The following TXNDC11 variants were observed in gnomAD, a reference collection of about 807,000 sequenced individuals.
TXNDC11 encodes thioredoxin domain-containing protein 11.
TXNDC11 carries 68 observed loss-of-function variants against 78.0 expected under a neutral mutation model. That is an observed-to-expected ratio of 0.87 (90% CI 0.72 to 1.07). The LOEUF is 1.07. Among genes scored for constraint, TXNDC11 ranks in the 50% least tolerant of loss-of-function variants. TXNDC11 has a pLI of 0.00. For synonymous variants in TXNDC11, 571 were observed against 495.2 expected, an observed-to-expected ratio of 1.15 and a Z score of -2.03; for missense variants, 1,389 against 1,221.8, an observed-to-expected ratio of 1.14 and a Z score of -2.04.
At chr16:11,722,670 C>G (rs1325831200) in intron 4 of TXNDC11, among the ~76,000 whole-genome samples, 1 of 152,124 alleles carries the variant, frequency 6.6e-6, no homozygotes, top group Non-Finnish European at 1.5e-5. Context: ...AAAGAGCAAG[C>G]CTGATGAACC....
intron 1 of TXNDC11, among the ~76,000 whole-genome samples, chr16:11,740,240 T>A (rs1255227071): frequency 6.6e-6 from 1 of 151,882 alleles, no homozygotes; most frequent in Non-Finnish European, 1.5e-5. Context: ...GGGGTAGAAA[T>A]GTTAGCCAGT....
chr16:11,722,048 C>A (rs150448989), intron 4 of TXNDC11, among the ~76,000 whole-genome samples: 100 of 152,310 alleles, frequency 6.6e-4, no homozygotes, highest in African/African-American at 2.3e-3. Flanking sequence ...TTTAACAACT[C>A]CAGACAAGCA....
chr16:11,687,811 G>GA (rs1567294624), intron 10 of TXNDC11, 46 bp downstream of exon 10: 1 of 1,308,964 alleles, frequency 7.6e-7, no homozygotes, highest in Admixed American at 1.8e-5. Flanking sequence ...AAATAAGAGT[G>GA]AAAATGGGCA....
chr16:11,741,558 T>G (rs897417087), intron 1 of TXNDC11, among the ~76,000 whole-genome samples: 2 of 152,192 alleles, frequency 1.3e-5, no homozygotes, highest in Non-Finnish European at 2.9e-5. Flanking sequence ...TCCCTTCTCC[T>G]TTTTGTATAA....
rs1188450970 is a variant in TXNDC11, at chr16:11,679,099, G to A, written c.*96C>T. 7.5e-7 allele frequency: 1 copy of A among 1,335,012 alleles called. No individual in the cohort carries two copies. The highest frequency in any genetic ancestry group is 1.0e-6 in the Non-Finnish European group (1 of 980,314). The allele number at this position is 1,335,012 out of a possible 1,614,324, so 82.7% of individuals were successfully genotyped here. On this transcript the variant is annotated 3_prime_UTR_variant, in exon 12 of 12. Transcript: ENST00000283033. The surrounding 1 kb of genome is among the most constrained non-coding windows in gnomAD (Gnocchi z 4.6). ...TCAAGCTGATTTTCTAGACCACTGA[G>A]AAAATCTTTATTTACAATAAATTTC...
chr16:11,717,316 T>C (rs2051555285), intron 5 of TXNDC11, among the ~76,000 whole-genome samples: 1 of 150,944 alleles, frequency 6.6e-6, no homozygotes, highest in Non-Finnish European at 1.5e-5. Context: ...TGGGCGCCTG[T>C]AGTCCTAGCT....
chr16:11,691,869 C>G lies in TXNDC11; in HGVS notation c.1321G>C (p.Val441Leu). ...QWHSFSRTHN[V>L]CELCVNQTSG... ...GTCTGGTTGACACAGAGTTCACAGA[C>G]GTTGTGGGTCCTGGAGAAGGAGTGC... Residue 441 changes from valine to leucine, a missense_variant, in exon 8 of 12, where the codon GTC (valine) becomes CTC (leucine). By Grantham distance (32) the Val-to-Leu change is conservative (BLOSUM62 1). Transcript: ENST00000283033. The G allele has an allele frequency of 6.2e-6, 10 of 1,614,224 alleles. No individual in the cohort carries two copies. Among genetic ancestry groups the G allele is most frequent in the Non-Finnish European group, 8.5e-6 (10 of 1,180,026 alleles).
At chr16:11,740,793 G>C (rs1019049627) in intron 1 of TXNDC11, among the ~76,000 whole-genome samples, 17 of 152,212 alleles carry the variant, frequency 1.1e-4, no homozygotes, top group African/African-American at 3.9e-4. Flanking sequence ...TCCTTCATCT[G>C]TGCACTGGGA....
At chr16:11,697,625 CAG>C (rs1309398316) in intron 7 of TXNDC11, among the ~76,000 whole-genome samples, 1 of 152,218 alleles carries the variant, frequency 6.6e-6, no homozygotes, top group East Asian at 1.9e-4. Context: ...TTCTGCACGA[CAG>C]GGAAGGTTCA....
intron 5 of TXNDC11, among the ~76,000 whole-genome samples, chr16:11,705,594 G>C (rs2051158396): frequency 6.6e-6 from 1 of 152,208 alleles, no homozygotes; most frequent in Non-Finnish European, 1.5e-5. Context: ...GTGACAGCCT[G>C]ACCCAAAAGT....
Position 11,679,815 on chromosome 16 carries a change from G to A in TXNDC11, c.2257C>T (p.Pro753Ser), listed in dbSNP as rs1567284998. Residue 753 changes from proline to serine, a missense_variant, in exon 12 of 12, where the codon CCC becomes TCC. Physicochemically the swap from Pro to Ser is moderately conservative, Grantham distance 74. Transcript: ENST00000283033. This position sits in a 1 kb window ranked among gnomAD's most constrained non-coding sequence, Gnocchi z 4.6. Reference sequence around the variant, plus strand: ...GGAAGGGTGATGGGGACGTCTTCGGGGTATTTCACACTTAGGTCCTTTCTG... The same window carrying A: ...GGAAGGGTGATGGGGACGTCTTCGGAGTATTTCACACTTAGGTCCTTTCTG... ...CNRKDLSVKY[P>S]EDVPITLPNL... The A allele has an allele frequency of 1.2e-6, 2 of 1,612,762 alleles. No homozygotes were observed. The highest frequency in any genetic ancestry group is 2.7e-5 in the African/African-American group (2 of 74,858).
At chr16:11,709,771 G>A (rs1213018478) in intron 5 of TXNDC11, among the ~76,000 whole-genome samples, 2 of 152,084 alleles carry the variant, frequency 1.3e-5, no homozygotes, top group Non-Finnish European at 2.9e-5. Flanking sequence ...AGGTAGGAAG[G>A]AAAGAGAAAT....
chr16:11,710,478 TAA>T (rs1327095472), intron 5 of TXNDC11, among the ~76,000 whole-genome samples: 3 of 152,196 alleles, frequency 2.0e-5, no homozygotes, highest in Non-Finnish European at 4.4e-5. Context: ...CTCCCTTATT[TAA>T]CAGATGGGGA....
rs150256258 is a variant in TXNDC11, at chr16:11,683,315, C to G, written c.2234+850G>C. The stretch of plus-strand genomic sequence containing the variant: ...ATTAGGCAAGTGTGAAAAAATCAAG[C>G]GACCATCCCATGGCGGACGTTCACA... On this transcript the variant is annotated intron_variant, in intron 11 of 11. Coordinates refer to ENST00000283033, the MANE Select transcript of TXNDC11 (RefSeq NM_015914.7). Among the ~76,000 whole-genome samples the G allele has an allele frequency of 3.8e-3, 574 of 152,260 alleles. 4 individuals carry two copies. The highest frequency in any genetic ancestry group is 0.013 in the African/African-American group (534 of 41,560).
At chr16:11,717,944 G>A (rs552350566) in intron 5 of TXNDC11, among the ~76,000 whole-genome samples, 3 of 150,996 alleles carry the variant, frequency 2.0e-5, no homozygotes, top group African/African-American at 7.4e-5. Context: ...GAGCCCTGGA[G>A]AAAAAAGGAA....
chr16:11,734,016 A>C lies in TXNDC11; in HGVS notation c.535T>G (p.Phe179Val). The change falls in exon 3 of 12, where the codon TTT becomes GTT. Residue 179 changes from phenylalanine (F) to valine (V), a missense_variant. Physicochemically the swap from Phe to Val is conservative, Grantham distance 50. Coordinates refer to ENST00000283033, the MANE Select transcript of TXNDC11 (RefSeq NM_015914.7). ...QGKCRKQKHF[F>V]YFPVIYLYHR... Reference sequence around the variant, plus strand: ...TACAGATATATTACAGGAAAATAAAAGAAGTGTTTCTGTTTTCTGCATTTC... The same window carrying C: ...TACAGATATATTACAGGAAAATAAACGAAGTGTTTCTGTTTTCTGCATTTC... 1 of 1,607,436 alleles carries C rather than the reference A, an allele frequency of 6.2e-7. No individual in the cohort carries two copies.
At chr16:11,688,199 A>T in intron 9 of TXNDC11, 104 bp downstream of exon 9, 1 of 1,277,618 alleles carries the variant, frequency 7.8e-7, no homozygotes, top group Non-Finnish European at 1.1e-6. Context: ...TCACGTGGTT[A>T]CTCTTCTATA....
Position 11,700,692 on chromosome 16 carries a change from G to C in TXNDC11, c.794-128C>G, listed in dbSNP as rs138325479. ...TCCTTCTGGTAACCTAGCCTAGAGA[G>C]GGAAGGAAGAGGCGCTGAGGAACCT... On this transcript the variant is annotated intron_variant, in intron 5 of 11. Transcript: ENST00000283033. 4,589 of 566,626 alleles carry C rather than the reference G, an allele frequency of 8.1e-3. 132 individuals are homozygous for C. The highest frequency in any genetic ancestry group is 0.067 in the South Asian group (2,670 of 39,974). The allele number at this position is 566,626 out of a possible 1,614,324, so 35.1% of individuals were successfully genotyped here.
intron 5 of TXNDC11, among the ~76,000 whole-genome samples, chr16:11,712,591 A>C (rs1157123996): frequency 6.6e-6 from 1 of 152,160 alleles, no homozygotes; most frequent in African/African-American, 2.4e-5. Flanking sequence ...AAGAAATCGT[A>C]CTTCTGATTC....
Sources: gnomAD v4.1 joint callset for allele counts (sites outside exome capture counted in the v4.1 genomes callset) on GRCh38, gnomAD v4.1.1 for gene constraint, Gnocchi (gnomAD v3.1) non-coding constraint, MANE v1.5 for transcripts, NCBI Gene and HGNC (gene_info 2026-07-23, HGNC 2026-07-21) for gene names.